Variants in UBR1 observed in about 807,000 individuals in gnomAD.
UBR1 encodes the protein ubiquitin protein ligase E3 component n-recognin 1, also known as E3 ubiquitin-protein ligase UBR1.
Under a neutral mutation model 242.1 loss-of-function variants are expected in UBR1, and 102 were observed. That is an observed-to-expected ratio of 0.42 (90% CI 0.36 to 0.50). UBR1 has a LOEUF of 0.50. Ranked by LOEUF, UBR1 falls within the 20% of genes least tolerant of loss-of-function variation. The pLI, the probability that UBR1 is intolerant of heterozygous loss-of-function variation, is 0.01. For synonymous variants in UBR1, 675 were observed against 684.8 expected (o/e 0.99, Z 0.22); for missense variants, 1,772 against 2,101.8 (o/e 0.84, Z 3.07).
At chr15:43,040,726 A>T (rs1416471321) in intron 15 of UBR1, among the ~76,000 whole-genome samples, 1 of 152,232 alleles carries the variant, frequency 6.6e-6, no homozygotes, top group Non-Finnish European at 1.5e-5. Context: ...AGAATCTACA[A>T]AGGACTCAAA....
chr15:43,104,108 G>C lies in UBR1; in HGVS notation c.81+1834C>G, dbSNP rs1211802701. Among the ~76,000 whole-genome samples, 4 of 152,070 alleles carry C rather than the reference G, an allele frequency of 2.6e-5. No individual in the cohort carries two copies. The South Asian group carries it at 8.3e-4, about 31-fold the overall frequency. On this transcript the variant is annotated intron_variant, in intron 1 of 46. Coordinates refer to ENST00000290650, the MANE Select transcript of UBR1 (RefSeq NM_174916.3). ...TGTGTCACCAGACTGTGAGTTCCTT[G>C]AGGCTATATTACACAATCTACCTAC...
chr15:43,086,647 C>T (rs1412162012), intron 1 of UBR1, among the ~76,000 whole-genome samples: 4 of 152,046 alleles, frequency 2.6e-5, no homozygotes, highest in Non-Finnish European at 4.4e-5. Flanking sequence ...ACAAAAAGCA[C>T]TAACCATAAA....
At chr15:43,015,933 G>A (rs2033017658) in intron 28 of UBR1, 64 bp from the exon 29 acceptor site, 1 of 1,477,776 alleles carries the variant, frequency 6.8e-7, no homozygotes, top group African/African-American at 1.4e-5. Flanking sequence ...TACGCTGTTT[G>A]GATGGCAAAA....
chr15:43,087,795 C>T (rs140584936), intron 1 of UBR1, among the ~76,000 whole-genome samples: 75 of 151,990 alleles, frequency 4.9e-4, no homozygotes, highest in African/African-American at 1.7e-3. Context: ...TGGAAACAAC[C>T]GAAATGTCCC....
intron 38 of UBR1, 149 bp from the exon 39 acceptor site, chr15:42,977,016 A>G: frequency 1.1e-6 from 1 of 871,472 alleles, no homozygotes; most frequent in Non-Finnish European, 1.8e-6. Context: ...TTTATTCAAT[A>G]GAATATCTTA....
At chr15:43,087,124 G>A (rs1329965943) in intron 1 of UBR1, among the ~76,000 whole-genome samples, 1 of 152,128 alleles carries the variant, frequency 6.6e-6, no homozygotes, top group Non-Finnish European at 1.5e-5. Flanking sequence ...AATAGAATCG[G>A]GCCGGGCGCG....
intron 4 of UBR1, among the ~76,000 whole-genome samples, chr15:43,073,863 T>C (rs772228776): frequency 9.2e-5 from 14 of 152,242 alleles, no homozygotes; most frequent in Non-Finnish European, 1.6e-4. Flanking sequence ...AAATACCTTA[T>C]TGCTGTAAGA....
At chr15:43,025,249 A>C in intron 24 of UBR1, 132 bp downstream of exon 24, 1 of 916,316 alleles carries the variant, frequency 1.1e-6, no homozygotes, top group South Asian at 1.5e-5. Context: ...GTGAATAAGA[A>C]GCAAAAAGCT....
chr15:43,028,901 T>C (rs2033214687), intron 21 of UBR1, among the ~76,000 whole-genome samples: 1 of 151,912 alleles, frequency 6.6e-6, no homozygotes, highest in Non-Finnish European at 1.5e-5. Context: ...CTGGCCAATA[T>C]GGTGAAATCC....
intron 5 of UBR1, among the ~76,000 whole-genome samples, chr15:43,068,979 TAAAC>T (rs1202678988): frequency 6.6e-6 from 1 of 152,236 alleles, no homozygotes; most frequent in Non-Finnish European, 1.5e-5. Flanking sequence ...CAATGATAAA[TAAAC>T]AGATTTTATT....
intron 12 of UBR1, among the ~76,000 whole-genome samples, chr15:43,051,680 A>G (rs935632257): frequency 2.0e-5 from 3 of 152,230 alleles, no homozygotes; most frequent in African/African-American, 4.8e-5. Flanking sequence ...TTGGTTTCTA[A>G]CAATCTCACA....
chr15:43,038,939 C>T (rs1216620834), intron 15 of UBR1, among the ~76,000 whole-genome samples: 2 of 151,354 alleles, frequency 1.3e-5, no homozygotes, highest in African/African-American at 4.9e-5. Context: ...TAAAAAGGTA[C>T]TTTTAACAAA....
At chr15:42,983,622 G>A (rs1020584208) in intron 37 of UBR1, among the ~76,000 whole-genome samples, 11 of 150,320 alleles carry the variant, frequency 7.3e-5, no homozygotes, top group African/African-American at 2.2e-4. Flanking sequence ...CCGAGATTGC[G>A]CCATTGCTCT....
At chr15:43,038,918 T>C (rs2033376474) in intron 15 of UBR1, among the ~76,000 whole-genome samples, 1 of 151,934 alleles carries the variant, frequency 6.6e-6, no homozygotes, top group African/African-American at 2.4e-5. Context: ...AACAAAAATT[T>C]TTATTTTCAT....
At chr15:42,963,900 A>G (rs1184429441) in intron 42 of UBR1, 35 bp downstream of exon 42, 1 of 1,494,600 alleles carries the variant, frequency 6.7e-7, no homozygotes, top group South Asian at 1.1e-5. Flanking sequence ...CAAATTGTAT[A>G]ATAACCCAAC....
chr15:42,946,377 C>T (rs975948608), intron 46 of UBR1, among the ~76,000 whole-genome samples: 5 of 152,154 alleles, frequency 3.3e-5, no homozygotes, highest in Admixed American at 6.6e-5. Flanking sequence ...CCGCCCGCCT[C>T]GGCCTCCCAA....
intron 14 of UBR1, among the ~76,000 whole-genome samples, 172 bp downstream of exon 14, chr15:43,046,989 T>G (rs892736744): frequency 2.0e-5 from 3 of 152,194 alleles, no homozygotes; most frequent in African/African-American, 7.2e-5. Context: ...GCACATTTTC[T>G]ACTCAAGTAT....
intron 6 of UBR1, among the ~76,000 whole-genome samples, chr15:43,064,052 T>C (rs2033722534): frequency 6.6e-6 from 1 of 152,246 alleles, no homozygotes; most frequent in South Asian, 2.1e-4. Flanking sequence ...TGCCTGTTTC[T>C]CTCATAAGAA....
At position 43,025,440 on chromosome 15, in the gene UBR1, AT is replaced by A. The variant is rs2033166800; in HGVS notation, c.2536-12del. On this transcript the variant is annotated splice_polypyrimidine_tract_variant and intron_variant, in intron 23 of 46. Transcript: ENST00000290650. The stretch of plus-strand genomic sequence containing the variant: ...CTGCATATGTTCAGCCTATAAAAAA[AT>A]CTATCATTAAATATACTGCTTTGGA... The A allele has an allele frequency of 1.3e-6, 2 of 1,591,196 alleles. No homozygotes were observed. The highest frequency in any genetic ancestry group is 1.7e-6 in the Non-Finnish European group (2 of 1,164,052).
Sources: allele counts gnomAD v4.1 joint callset (sites outside exome capture counted in the v4.1 genomes callset), GRCh38; gene constraint gnomAD v4.1.1; transcripts MANE v1.5; gene names NCBI Gene and HGNC (gene_info 2026-07-23, HGNC 2026-07-21).